Variants in CNTN5 observed in about 807,000 individuals in gnomAD.
The protein encoded by CNTN5 is contactin-5.
In CNTN5, 77 loss-of-function variants were observed where a neutral mutation model predicts 129.1. The ratio of observed to expected loss-of-function variants is 0.60; its 90% CI spans 0.50 to 0.72. The LOEUF is 0.72. Ranked by LOEUF, CNTN5 falls within the 30% of genes least tolerant of loss-of-function variation. The pLI, the probability that CNTN5 is intolerant of heterozygous loss-of-function variation, is 0.00. For missense variants in CNTN5, 1,478 were observed against 1,328.8 expected (o/e 1.11, Z -1.75); for synonymous variants, 509 against 465.6 (o/e 1.09, Z -1.20).
intron 3 of CNTN5, among the ~76,000 whole-genome samples, chr11:99,608,103 A>T (rs1015685638): frequency 1.8e-4 from 12 of 67,340 alleles, no homozygotes; most frequent in African/African-American, 3.0e-4. Context: ...AGTATAATAA[A>T]AAAAAAAAAA....
chr11:100,096,973 A>G (rs770244250), intron 13 of CNTN5, among the ~76,000 whole-genome samples: 1 of 152,276 alleles, frequency 6.6e-6, no homozygotes, highest in East Asian at 1.9e-4. Flanking sequence ...AGAGAAACCC[A>G]GTGTTCCACA....
intron 1 of CNTN5, among the ~76,000 whole-genome samples, chr11:99,024,772 T>C (rs1454744540): frequency 1.3e-5 from 2 of 150,964 alleles, no homozygotes; most frequent in African/African-American, 4.9e-5. Context: ...GAAAAATAAA[T>C]CAAGATTGTC....
At chr11:100,216,688 A>T (rs1319954200) in intron 15 of CNTN5, among the ~76,000 whole-genome samples, 13 of 152,132 alleles carry the variant, frequency 8.5e-5, no homozygotes. Context: ...GCAGCCTTTT[A>T]TGCCTAGATG....
intron 21 of CNTN5, chr11:100,308,983 A>AATG: frequency 1.0e-6 from 1 of 985,052 alleles, no homozygotes; most frequent in Non-Finnish European, 1.2e-6. Flanking sequence ...TATAATGGTG[A>AATG]ACATTTCATA....
intron 18 of CNTN5, among the ~76,000 whole-genome samples, chr11:100,274,878 T>C (rs1950476144): frequency 6.6e-6 from 1 of 152,220 alleles, no homozygotes; most frequent in South Asian, 2.1e-4. Flanking sequence ...GATACTCCCA[T>C]TACTGGGTAT....
At chr11:100,248,577 GA>G (rs1207196463) in intron 16 of CNTN5, among the ~76,000 whole-genome samples, 1 of 151,840 alleles carries the variant, frequency 6.6e-6, no homozygotes, top group Non-Finnish European at 1.5e-5. Flanking sequence ...AAAAAAGCAG[GA>G]AAGTCCTTAA....
intron 9 of CNTN5, among the ~76,000 whole-genome samples, chr11:100,007,253 A>C (rs558298909): frequency 6.6e-6 from 1 of 152,174 alleles, no homozygotes; most frequent in African/African-American, 2.4e-5. Flanking sequence ...GTAAATGAGC[A>C]TTGGCTTCAG....
intron 15 of CNTN5, among the ~76,000 whole-genome samples, chr11:100,212,225 A>G (rs886450615): frequency 3.3e-5 from 5 of 152,102 alleles, no homozygotes; most frequent in Non-Finnish European, 4.4e-5. Context: ...AAATTGTTCT[A>G]TGTCACCTTG....
intron 6 of CNTN5, among the ~76,000 whole-genome samples, chr11:99,897,655 G>A (rs180821113): frequency 3.3e-5 from 5 of 152,240 alleles, no homozygotes; most frequent in Admixed American, 1.3e-4. Flanking sequence ...AATTCTAAAT[G>A]TGGAAACTAA....
At chr11:99,342,138 A>T (rs1866540863) in intron 2 of CNTN5, among the ~76,000 whole-genome samples, 1 of 152,172 alleles carries the variant, frequency 6.6e-6, no homozygotes, top group Non-Finnish European at 1.5e-5. Context: ...AGATATGGAA[A>T]AAATAGTCTT....
intron 22 of CNTN5, 74 bp downstream of exon 22, chr11:100,340,723 G>C: frequency 7.6e-7 from 1 of 1,312,872 alleles, no homozygotes; most frequent in Non-Finnish European, 1.0e-6. Flanking sequence ...AGCCACGTGA[G>C]GTGCATAATA....
chr11:99,142,023 A>C (rs1859538702), intron 1 of CNTN5, among the ~76,000 whole-genome samples: 1 of 152,016 alleles, frequency 6.6e-6, no homozygotes, highest in South Asian at 2.1e-4. Context: ...GGAGTGTCTG[A>C]CTGTGCTATA....
At chr11:99,997,798 T>A (rs1446346403) in intron 8 of CNTN5, among the ~76,000 whole-genome samples, 1 of 152,060 alleles carries the variant, frequency 6.6e-6, no homozygotes, top group East Asian at 1.9e-4. Context: ...ATCAAAAAGC[T>A]TATCCACCAT....
At chr11:99,690,351 G>A (rs1953989424) in intron 3 of CNTN5, among the ~76,000 whole-genome samples, 1 of 152,154 alleles carries the variant, frequency 6.6e-6, no homozygotes, top group Admixed American at 6.5e-5. Context: ...ATAGTTTGAA[G>A]TTGGGTAACA....
intron 18 of CNTN5, among the ~76,000 whole-genome samples, chr11:100,291,931 C>T (rs929131591): frequency 6.6e-6 from 1 of 151,964 alleles, no homozygotes; most frequent in Non-Finnish European, 1.5e-5. Flanking sequence ...CCCGCCATTG[C>T]TCTCCACTAT....
At chr11:100,143,752 G>A (rs1404804307) in intron 13 of CNTN5, among the ~76,000 whole-genome samples, 1 of 152,066 alleles carries the variant, frequency 6.6e-6, no homozygotes, top group African/African-American at 2.4e-5. Flanking sequence ...TAAAATTTAG[G>A]GAAGGTCAGG....
intron 1 of CNTN5, among the ~76,000 whole-genome samples, chr11:99,279,452 G>T (rs1165268845): frequency 6.6e-6 from 1 of 151,766 alleles, no homozygotes; most frequent in Non-Finnish European, 1.5e-5. Context: ...TATTTACCCT[G>T]TCCAGGAGAT....
rs117786303 is a variant in CNTN5 at position 99,337,892 on chromosome 11, T to A, written c.-71+12408T>A. Among the ~76,000 whole-genome samples, 1,222 of 152,212 alleles carry A rather than the reference T, an allele frequency of 8.0e-3. 34 individuals are homozygous for A. In the East Asian group the frequency reaches 0.09, roughly 11 times the overall value. Reference sequence around the variant, plus strand: ...TTTAAAAAAATCAAAGCAGAATAAATCTGTACTAAATGTTGTTTTCTTTAC... The same window carrying A: ...TTTAAAAAAATCAAAGCAGAATAAAACTGTACTAAATGTTGTTTTCTTTAC... On this transcript the variant is annotated intron_variant, in intron 2 of 24. Transcript: ENST00000524871.
At chr11:100,098,549 A>G (rs748503257) in intron 13 of CNTN5, among the ~76,000 whole-genome samples, 1 of 152,080 alleles carries the variant, frequency 6.6e-6, no homozygotes, top group East Asian at 1.9e-4. Context: ...CTGTCCTTGC[A>G]GGAACACTAC....
Sources: allele counts gnomAD v4.1 joint callset (sites outside exome capture counted in the v4.1 genomes callset), GRCh38; gene constraint gnomAD v4.1.1; transcripts MANE v1.5; gene names NCBI Gene and HGNC (gene_info 2026-07-23, HGNC 2026-07-21).